LPAR1: variants seen among roughly 807,000 people sequenced by gnomAD.
The protein encoded by LPAR1 is LPA receptor 1.
Under a neutral mutation model 23.8 loss-of-function variants are expected in LPAR1, and 5 were observed. The ratio of observed to expected loss-of-function variants is 0.21; its 90% CI spans 0.11 to 0.44. LPAR1 has a LOEUF of 0.44. Ranked by LOEUF, LPAR1 falls within the 20% of genes least tolerant of loss-of-function variation. The pLI, the probability that LPAR1 is intolerant of heterozygous loss-of-function variation, is 0.99. For missense variants in LPAR1, 311 were observed against 482.8 expected (o/e 0.64, Z 3.33); for synonymous variants, 160 against 164.7 (o/e 0.97, Z 0.22).
At chr9:110,978,960 C>T (rs567472353) in intron 2 of LPAR1, among the ~76,000 whole-genome samples, 1 of 152,052 alleles carries the variant, frequency 6.6e-6, no homozygotes, top group East Asian at 1.9e-4. Flanking sequence ...TCAAAGGATA[C>T]ATATTTACAG....
At chr9:110,906,278 AACC>A (rs2091192839) in intron 5 of LPAR1, among the ~76,000 whole-genome samples, 1 of 152,196 alleles carries the variant, frequency 6.6e-6, no homozygotes, top group African/African-American at 2.4e-5. Flanking sequence ...GGACAATGTT[AACC>A]CTTCCCAACT....
intron 5 of LPAR1, among the ~76,000 whole-genome samples, chr9:110,906,419 G>A (rs1403000934): frequency 6.6e-6 from 1 of 152,232 alleles, no homozygotes; most frequent in East Asian, 1.9e-4. Flanking sequence ...GAAAACTTCT[G>A]ATTAAAGACA....
At chr9:111,027,659 A>G (rs1323508822) in intron 2 of LPAR1, among the ~76,000 whole-genome samples, 3 of 152,070 alleles carry the variant, frequency 2.0e-5, no homozygotes, top group Non-Finnish European at 4.4e-5. Context: ...ACAATTTTAA[A>G]TGTAGTGATA....
chr9:110,906,266 T>C (rs2091188000), intron 5 of LPAR1, among the ~76,000 whole-genome samples: 1 of 152,182 alleles, frequency 6.6e-6, no homozygotes, highest in Admixed American at 6.5e-5. Context: ...CTATTATATG[T>C]AGGACAATGT....
intron 5 of LPAR1, among the ~76,000 whole-genome samples, chr9:110,880,148 AT>A (rs1228759300): frequency 6.6e-6 from 1 of 152,192 alleles, no homozygotes; most frequent in Non-Finnish European, 1.5e-5. Context: ...GGGGTGGAGG[AT>A]ATTCAAAACA....
At chr9:110,962,517 C>T (rs2096039232) in intron 4 of LPAR1, among the ~76,000 whole-genome samples, 1 of 152,112 alleles carries the variant, frequency 6.6e-6, no homozygotes, top group African/African-American at 2.4e-5. Flanking sequence ...TGAAATCAGC[C>T]AACTAGTTGA....
intron 5 of LPAR1, among the ~76,000 whole-genome samples, chr9:110,932,309 G>C (rs1029839806): frequency 1.3e-5 from 2 of 152,210 alleles, no homozygotes; most frequent in African/African-American, 4.8e-5. Flanking sequence ...ATTCTTCACA[G>C]AGATTCATGA....
chr9:111,031,074 G>T (rs1429238022), intron 2 of LPAR1, among the ~76,000 whole-genome samples: 2 of 152,174 alleles, frequency 1.3e-5, no homozygotes, highest in African/African-American at 4.8e-5. Context: ...TAAAGTGGCA[G>T]AGAGAGATTT....
chr9:110,982,419 TG>T (rs1320895130), intron 2 of LPAR1, among the ~76,000 whole-genome samples: 2 of 151,902 alleles, frequency 1.3e-5, no homozygotes, highest in African/African-American at 4.8e-5. Context: ...AAGTGGGAGT[TG>T]AACAATAAGA....
At chr9:111,015,773 A>T (rs1343046700) in intron 2 of LPAR1, among the ~76,000 whole-genome samples, 3 of 152,036 alleles carry the variant, frequency 2.0e-5, no homozygotes, top group African/African-American at 7.2e-5. Context: ...TTCATAAATA[A>T]CTTTTTTTAA....
At chr9:110,937,520 C>G (rs924822253) in intron 5 of LPAR1, among the ~76,000 whole-genome samples, 6 of 152,104 alleles carry the variant, frequency 3.9e-5, no homozygotes, top group Non-Finnish European at 7.4e-5. Context: ...ATAAGGATAA[C>G]AAATCAATAA....
chr9:110,876,590 A>G (rs1171601989), intron 5 of LPAR1, among the ~76,000 whole-genome samples: 1 of 152,216 alleles, frequency 6.6e-6, no homozygotes, highest in Non-Finnish European at 1.5e-5. Flanking sequence ...AAAATCCCAG[A>G]GTTTCTGTTC....
intron 2 of LPAR1, among the ~76,000 whole-genome samples, chr9:110,994,636 G>A (rs917511361): frequency 6.6e-6 from 1 of 152,122 alleles, no homozygotes; most frequent in African/African-American, 2.4e-5. Flanking sequence ...TAAGTTTGAG[G>A]GAGGCAGAGT....
intron 5 of LPAR1, among the ~76,000 whole-genome samples, chr9:110,926,932 G>C (rs985988676): frequency 6.6e-6 from 1 of 152,112 alleles, no homozygotes; most frequent in East Asian, 1.9e-4. Flanking sequence ...GAAGGTTTGT[G>C]TGACGTAAGT....
intron 2 of LPAR1, among the ~76,000 whole-genome samples, chr9:111,020,870 A>G (rs1310545765): frequency 6.6e-6 from 1 of 152,146 alleles, no homozygotes; most frequent in Non-Finnish European, 1.5e-5. Flanking sequence ...ACCAAAACAC[A>G]CTAAGTAAAA....
At chr9:110,888,977 C>T (rs927215526) in intron 5 of LPAR1, among the ~76,000 whole-genome samples, 2 of 152,178 alleles carry the variant, frequency 1.3e-5, no homozygotes, top group Non-Finnish European at 2.9e-5. Flanking sequence ...AAACTGAATA[C>T]TGCAAGGATA....
chr9:110,941,839 C>T lies in LPAR1; in HGVS notation c.375G>A (p.Gln125=), dbSNP rs1004132090. ...RLTVSTWLLR[Q]GLIDTSLTAS... ...CCGTCAGGCTGGTGTCAATGAGGCC[C>T]TGACGAAGGAGCCATGTGCTAACAG... Residue 125 remains glutamine, a synonymous_variant, in exon 5 of 6, where the codon CAG becomes CAA. Transcript: ENST00000683809. This position sits in a 1 kb window ranked among gnomAD's most constrained non-coding sequence, Gnocchi z 6.1. 41 of 1,614,070 alleles carry T rather than the reference C, an allele frequency of 2.5e-5. No individual in the cohort carries two copies. The highest frequency in any genetic ancestry group is 3.3e-5 in the Non-Finnish European group (39 of 1,180,036).
intron 2 of LPAR1, among the ~76,000 whole-genome samples, chr9:111,003,383 G>T (rs899509577): frequency 1.3e-5 from 2 of 152,046 alleles, no homozygotes; most frequent in Admixed American, 1.3e-4. Flanking sequence ...GTAAAAGCCC[G>T]CAAGAGTGAG....
chr9:111,015,203 C>T (rs1375935790), intron 2 of LPAR1, among the ~76,000 whole-genome samples: 2 of 152,108 alleles, frequency 1.3e-5, no homozygotes, highest in Admixed American at 6.6e-5. Flanking sequence ...CCACCCAGTC[C>T]GTGGGACTTC....
Sources: allele counts gnomAD v4.1 joint callset (sites outside exome capture counted in the v4.1 genomes callset), GRCh38; gene constraint gnomAD v4.1.1; non-coding constraint Gnocchi (gnomAD v3.1); transcripts MANE v1.5; gene names NCBI Gene and HGNC (gene_info 2026-07-23, HGNC 2026-07-21).